Variants in ZNF804A observed in about 807,000 individuals in gnomAD.
The protein encoded by ZNF804A is zinc finger protein 804A.
Under a neutral mutation model 16.5 loss-of-function variants are expected in ZNF804A, and 2 were observed. That is an observed-to-expected ratio of 0.12 (90% CI 0.05 to 0.38). The LOEUF (loss-of-function observed/expected upper bound fraction) is 0.38, where lower values mean the gene tolerates loss of function less well. ZNF804A is among the 10% of genes least tolerant of loss of function. ZNF804A has a pLI of 0.99. For missense variants in ZNF804A, 1,473 were observed against 1,390.7 expected (o/e 1.06, Z -0.94); for synonymous variants, 534 against 489.6 (o/e 1.09, Z -1.20).
chr2:184,936,990 C>T lies in ZNF804A; in HGVS notation c.1594C>T (p.Leu532Phe). 1 of 1,613,822 alleles carries T rather than the reference C, an allele frequency of 6.2e-7. No homozygotes were observed. The highest frequency in any genetic ancestry group is 8.5e-7 in the Non-Finnish European group (1 of 1,179,916). Residue 532 changes from leucine to phenylalanine, a missense_variant, in exon 4 of 4, where the codon CTC becomes TTC. Leu to Phe is a conservative substitution (Grantham distance 22). Transcript: ENST00000302277. ...QVTPLLADDILSSSCDSGKNE... is the reference protein window; with the variant it reads ...QVTPLLADDIFSSSCDSGKNE... ...CACTCCTCTTTTGGCTGATGATATTCTCTCCAGTAGTTGTGATTCTGGAAA... is the reference window on the plus strand; with the variant it reads ...CACTCCTCTTTTGGCTGATGATATTTTCTCCAGTAGTTGTGATTCTGGAAA...
At chr2:184,813,358 T>C (rs1330819036) in intron 1 of ZNF804A, among the ~76,000 whole-genome samples, 2 of 152,134 alleles carry the variant, frequency 1.3e-5, no homozygotes, top group Non-Finnish European at 2.9e-5. Context: ...TGTCAGGTGC[T>C]CATTTCTGAA....
At chr2:184,619,922 G>T (rs1234617259) in intron 1 of ZNF804A, among the ~76,000 whole-genome samples, 2 of 151,734 alleles carry the variant, frequency 1.3e-5, no homozygotes, top group African/African-American at 4.8e-5. Flanking sequence ...AACAATTTAT[G>T]ATTAAATCTA....
chr2:184,639,411 T>A (rs1218204617), intron 1 of ZNF804A, among the ~76,000 whole-genome samples: 2 of 152,080 alleles, frequency 1.3e-5, no homozygotes, highest in Non-Finnish European at 2.9e-5. Context: ...TTCAGGAGAT[T>A]AACCTCCTCA....
At chr2:184,631,518 T>C (rs1691608915) in intron 1 of ZNF804A, among the ~76,000 whole-genome samples, 1 of 152,184 alleles carries the variant, frequency 6.6e-6, no homozygotes, top group African/African-American at 2.4e-5. Context: ...GTTTATTTAA[T>C]ACTAAATTTG....
At chr2:184,855,706 T>C (rs1233553393) in intron 1 of ZNF804A, among the ~76,000 whole-genome samples, 1 of 151,852 alleles carries the variant, frequency 6.6e-6, no homozygotes, top group Non-Finnish European at 1.5e-5. Context: ...GTGGAAGGTT[T>C]TCAGGAGGAG....
At chr2:184,912,460 A>G (rs1440646583) in intron 2 of ZNF804A, among the ~76,000 whole-genome samples, 1 of 152,004 alleles carries the variant, frequency 6.6e-6, no homozygotes, top group African/African-American at 2.4e-5. Flanking sequence ...CAATTTGGGC[A>G]TATACCTAGA....
At chr2:184,669,357 A>C (rs1260763787) in intron 1 of ZNF804A, among the ~76,000 whole-genome samples, 1 of 152,094 alleles carries the variant, frequency 6.6e-6, no homozygotes. Flanking sequence ...TTCTGATTGT[A>C]GGTTCTGAAA....
At chr2:184,781,647 T>C (rs533306227) in intron 1 of ZNF804A, among the ~76,000 whole-genome samples, 1 of 151,946 alleles carries the variant, frequency 6.6e-6, no homozygotes, top group East Asian at 1.9e-4. Context: ...TTTTCTGTTA[T>C]TGACTCCACT....
chr2:184,669,479 G>A (rs1258776431), intron 1 of ZNF804A, among the ~76,000 whole-genome samples: 1 of 151,908 alleles, frequency 6.6e-6, no homozygotes, highest in Middle Eastern at 3.2e-3. Context: ...TATTTCTTAA[G>A]TTAAAACATG....
In ZNF804A at chr2:184,721,062, A is replaced by T. The variant is rs141591467; in HGVS notation, c.111+121992A>T. Among the ~76,000 whole-genome samples the T allele has an allele frequency of 5.2e-3, 792 of 152,250 alleles. 21 individuals are homozygous for T. Among genetic ancestry groups the T allele is most frequent in the Admixed American group, 0.047 (713 of 15,276 alleles). On this transcript the variant is annotated intron_variant, in intron 1 of 3. Coordinates refer to ENST00000302277, the MANE Select transcript of ZNF804A (RefSeq NM_194250.2). ...CCCATATACAGAATAATAAATCTGG[A>T]CTCCTATTTCTGATCATATACAAAT...
chr2:184,711,916 G>A (rs1693135297), intron 1 of ZNF804A, among the ~76,000 whole-genome samples: 1 of 151,586 alleles, frequency 6.6e-6, no homozygotes, highest in African/African-American at 2.4e-5. Flanking sequence ...GAATTGTAAT[G>A]CGTCCAGTTT....
chr2:184,790,282 AAT>A (rs1694515491), intron 1 of ZNF804A, among the ~76,000 whole-genome samples: 1 of 149,364 alleles, frequency 6.7e-6, no homozygotes, highest in Non-Finnish European at 1.5e-5. Context: ...GATTTTGGAG[AAT>A]GTTCTTTGCA....
At chr2:184,636,252 C>G (rs754339764) in intron 1 of ZNF804A, among the ~76,000 whole-genome samples, 18 of 151,376 alleles carry the variant, frequency 1.2e-4, no homozygotes, top group Non-Finnish European at 2.2e-4. Flanking sequence ...CCCATTAAAA[C>G]AGAACTAATA....
chr2:184,785,204 A>T (rs958850246), intron 1 of ZNF804A, among the ~76,000 whole-genome samples: 16 of 151,962 alleles, frequency 1.1e-4, no homozygotes, highest in African/African-American at 3.9e-4. Context: ...CCTATTGCTT[A>T]TTTAAGTTCA....
intron 1 of ZNF804A, among the ~76,000 whole-genome samples, chr2:184,737,044 C>CT (rs1237950860): frequency 2.0e-5 from 3 of 149,712 alleles, no homozygotes; most frequent in Middle Eastern, 3.2e-3. Context: ...CCCTTTACTA[C>CT]TTTTTTTTGT....
intron 1 of ZNF804A, among the ~76,000 whole-genome samples, chr2:184,619,003 C>T (rs972074306): frequency 2.1e-4 from 32 of 152,028 alleles, no homozygotes; most frequent in African/African-American, 7.5e-4. Flanking sequence ...TGGTAAGATG[C>T]GGATGCATCT....
chr2:184,695,190 G>T (rs1042548379), intron 1 of ZNF804A, among the ~76,000 whole-genome samples: 1 of 152,074 alleles, frequency 6.6e-6, no homozygotes, highest in Admixed American at 6.6e-5. Context: ...GGCTGGGAGT[G>T]GTGGCTCACG....
chr2:184,874,922 T>A (rs1696029968), intron 2 of ZNF804A, among the ~76,000 whole-genome samples: 1 of 152,180 alleles, frequency 6.6e-6, no homozygotes, highest in Admixed American at 6.6e-5. Flanking sequence ...CACTAATAGT[T>A]AAATTATTAT....
chr2:184,904,151 A>T (rs1438242521), intron 2 of ZNF804A, among the ~76,000 whole-genome samples: 1 of 152,124 alleles, frequency 6.6e-6, no homozygotes, highest in Non-Finnish European at 1.5e-5. Flanking sequence ...ACTTAGGAAT[A>T]AACTTAAACT....
Sources: gnomAD v4.1 joint callset for allele counts (sites outside exome capture counted in the v4.1 genomes callset) on GRCh38, gnomAD v4.1.1 for gene constraint, MANE v1.5 for transcripts, NCBI Gene and HGNC (gene_info 2026-07-23, HGNC 2026-07-21) for gene names.